HNRNPA3: variants seen among roughly 807,000 people sequenced by gnomAD.
HNRNPA3 encodes epididymis secretory sperm binding protein.
HNRNPA3 carries 3 observed loss-of-function variants against 45.8 expected under a neutral mutation model. The observed-to-expected ratio is 0.07, with a 90% CI of 0.03 to 0.17. The LOEUF (loss-of-function observed/expected upper bound fraction) is 0.17, where lower values mean the gene tolerates loss of function less well. Among genes scored for constraint, HNRNPA3 ranks in the 10% least tolerant of loss-of-function variants. HNRNPA3 has a pLI of 1.00. For synonymous variants in HNRNPA3, 170 were observed against 155.6 expected (o/e 1.09, Z -0.69); for missense variants, 183 against 480.3 (o/e 0.38, Z 5.79).
intron 1 of HNRNPA3, among the ~76,000 whole-genome samples, chr2:177,214,057 G>A (rs1356406124): frequency 6.6e-6 from 1 of 152,186 alleles, no homozygotes; most frequent in African/African-American, 2.4e-5. Context: ...GAAGACATTA[G>A]AATGTAAATG....
At chr2:177,216,225 A>G in intron 4 of HNRNPA3, 37 bp downstream of exon 4, 7 of 1,368,472 alleles carry the variant, frequency 5.1e-6, no homozygotes, top group Non-Finnish European at 7.1e-6. Context: ...ATGAGAAAGT[A>G]GAACTGGTTT....
chr2:177,214,949 G>C (rs970959505), intron 1 of HNRNPA3, among the ~76,000 whole-genome samples: 1 of 152,206 alleles, frequency 6.6e-6, no homozygotes. Context: ...GACAGTTGTA[G>C]CTTTTAAAAA....
exon 11 of HNRNPA3, chr2:177,219,917 CTG>C (rs1689117074): frequency 6.6e-6 from 1 of 152,614 alleles, no homozygotes. Flanking sequence ...CTAAAGTTAA[CTG>C]TAAAGAAACA....
At chr2:177,220,366 T>C (rs1448426415), downstream of HNRNPA3, 2 of 153,978 alleles carry the variant, frequency 1.3e-5, no homozygotes, top group African/African-American at 4.8e-5. Flanking sequence ...TAAAAACTTT[T>C]GAAAATATAG....
At chr2:177,219,069 T>C (rs748337508) in exon 9 of HNRNPA3, 1 of 1,613,988 alleles carries the variant, frequency 6.2e-7, no homozygotes, top group Non-Finnish European at 8.5e-7. Context: ...CTATAATGAT[T>C]TTGGAAATTA....
intron 1 of HNRNPA3, among the ~76,000 whole-genome samples, chr2:177,213,978 G>GT (rs1351489752): frequency 6.6e-6 from 1 of 152,132 alleles, no homozygotes; most frequent in African/African-American, 2.4e-5. Context: ...GGCTATTAAC[G>GT]TTTTTTTCTA....
At chr2:177,215,855 G>A in exon 3 of HNRNPA3, 1 of 1,605,522 alleles carries the variant, frequency 6.2e-7, no homozygotes, top group Non-Finnish European at 8.5e-7. Context: ...ACACAAGGTT[G>A]ATGGGCGTGT....
At position 177,213,403 on chromosome 2, in the gene HNRNPA3, C is replaced by T. The variant is rs576670364; in HGVS notation, c.72+532C>T. 1.3e-4 allele frequency among the ~76,000 whole-genome samples: 20 copies of T among 152,360 alleles called. No individual in the cohort carries two copies. The South Asian group carries it at 3.7e-3, about 28-fold the overall frequency. ...CCCGGCAGAAAAAGCCGCAAATGGCCTCGAAGCATGGGGAGGTAGTGCTTT... is the reference window on the plus strand; with the variant it reads ...CCCGGCAGAAAAAGCCGCAAATGGCTTCGAAGCATGGGGAGGTAGTGCTTT... On this transcript the variant is annotated intron_variant, in intron 1 of 10. Transcript: ENST00000392524.
downstream of HNRNPA3, chr2:177,223,627 C>T (rs1471823299): frequency 6.6e-6 from 1 of 152,290 alleles, no homozygotes. Flanking sequence ...CTGACAGTAT[C>T]TTGGGAGTTC....
At chr2:177,219,866 TAAAG>T (rs1410013179) in exon 11 of HNRNPA3, 2 of 152,062 alleles carry the variant, frequency 1.3e-5, no homozygotes, top group African/African-American at 4.8e-5. Context: ...AGTTAACAAG[TAAAG>T]AAGATCATTG....
chr2:177,218,539 G>C (rs1468748229), intron 8 of HNRNPA3, among the ~76,000 whole-genome samples: 5 of 152,182 alleles, frequency 3.3e-5, no homozygotes, highest in Admixed American at 3.3e-4. Flanking sequence ...GTGTTGAAGT[G>C]AGCAGGTTGC....
intron 8 of HNRNPA3, among the ~76,000 whole-genome samples, 200 bp downstream of exon 8, chr2:177,218,045 C>A (rs373576346): frequency 9.3e-6 from 1 of 107,674 alleles, no homozygotes; most frequent in African/African-American, 3.7e-5. Context: ...ACTCAGCTCT[C>A]TTTTTTCTTT....
chr2:177,219,258 T>C, exon 10 of HNRNPA3: 1 of 1,613,798 alleles, frequency 6.2e-7, no homozygotes, highest in Non-Finnish European at 8.5e-7. Context: ...TGGTTATGGA[T>C]CTGGTGGTGG....
intron 7 of HNRNPA3, among the ~76,000 whole-genome samples, 155 bp downstream of exon 7, chr2:177,217,095 C>A (rs370841766): frequency 2.6e-5 from 4 of 152,076 alleles, no homozygotes; most frequent in Non-Finnish European, 5.9e-5. Context: ...AACCCTTTTT[C>A]CCCTGGAGAG....
At chr2:177,219,744 AG>A (rs1316132632) in exon 11 of HNRNPA3, 1 of 153,578 alleles carries the variant, frequency 6.5e-6, no homozygotes, top group African/African-American at 2.4e-5. Context: ...TAGTGGTACC[AG>A]GAATAAAAAA....
Position 177,214,509 on chromosome 2 carries a change from G to A in HNRNPA3, c.73-1030G>A, listed in dbSNP as rs1178143941. Among the ~76,000 whole-genome samples, 13 of 152,302 alleles carry A rather than the reference G, an allele frequency of 8.5e-5. No individual in the cohort carries two copies. The East Asian group carries it at 2.5e-3, about 29-fold the overall frequency. On this transcript the variant is annotated intron_variant, in intron 1 of 10. Coordinates refer to ENST00000392524, the Ensembl canonical transcript of HNRNPA3. The stretch of plus-strand genomic sequence containing the variant: ...CTTCATCACAGTTTTGAGTTTAAAT[G>A]TATGGGCCGGGCGCTGTGGCTCACG...
chr2:177,213,389 A>G (rs934105659), intron 1 of HNRNPA3, among the ~76,000 whole-genome samples: 2 of 152,242 alleles, frequency 1.3e-5, no homozygotes, highest in Non-Finnish European at 2.9e-5. Context: ...CCGGCAGAAA[A>G]AGCCGCAAAT....
intron 1 of HNRNPA3, among the ~76,000 whole-genome samples, chr2:177,215,103 GTTGTT>G (rs1254518526): frequency 2.0e-5 from 3 of 151,380 alleles, no homozygotes; most frequent in South Asian, 2.1e-4. Flanking sequence ...CAAAGTTTTT[GTTGTT>G]TTGTTTTTTT....
At chr2:177,220,699 T>G (rs1253515110), downstream of HNRNPA3, 3 of 152,646 alleles carry the variant, frequency 2.0e-5, no homozygotes, top group Non-Finnish European at 2.9e-5. Context: ...ATTTGGATAG[T>G]CTGAGTTCTT....
Sources: allele counts gnomAD v4.1 joint callset (sites outside exome capture counted in the v4.1 genomes callset), GRCh38; gene constraint gnomAD v4.1.1; transcripts MANE v1.5; gene names NCBI Gene and HGNC (gene_info 2026-07-23, HGNC 2026-07-21).